The following PHB1 variants were observed in gnomAD, a reference collection of about 807,000 sequenced individuals.
PHB1 encodes prohibitin 1, also known as epididymis luminal protein 215.
At chr17:49,411,649 A>G in the PHB1 span, 4 of 1,604,330 alleles carry the variant, frequency 2.5e-6, no homozygotes, top group South Asian at 2.2e-5. Flanking sequence ...CACACTCCCT[A>G]CTTTACCTGA....
chr17:49,413,482 C>CTT, the PHB1 span, among the ~76,000 whole-genome samples: 1 of 134,684 alleles, frequency 7.4e-6, no homozygotes, highest in South Asian at 2.4e-4. Context: ...AATTCTTCTG[C>CTT]TTTTTTTTTT....
the PHB1 span, chr17:49,411,886 TAAACA>T: frequency 6.4e-7 from 1 of 1,567,782 alleles, no homozygotes; most frequent in Non-Finnish European, 8.7e-7. Context: ...TCTCATCCTT[TAAACA>T]AAAGGATCAT....
the PHB1 span, chr17:49,408,801 AG>A: frequency 2.1e-6 from 1 of 477,564 alleles, no homozygotes; most frequent in Non-Finnish European, 3.7e-6. Flanking sequence ...TTTAGTGGTT[AG>A]AGACTATCTG....
At chr17:49,406,889 G>A in the PHB1 span, 1 of 1,477,228 alleles carries the variant, frequency 6.8e-7, no homozygotes, top group Non-Finnish European at 9.5e-7. Context: ...ATGAGGCAGT[G>A]TGATTGCTTC....
the PHB1 span, chr17:49,409,251 A>G: frequency 1.3e-6 from 2 of 1,592,200 alleles, no homozygotes; most frequent in Admixed American, 3.3e-5. Flanking sequence ...CAACCAACCC[A>G]CTGCCAAGCG....
the PHB1 span, chr17:49,407,063 T>TA: frequency 1.7e-6 from 1 of 582,116 alleles, no homozygotes; most frequent in Non-Finnish European, 3.1e-6. Flanking sequence ...CTCCTGTATA[T>TA]TACTCTGTCA....
the PHB1 span, among the ~76,000 whole-genome samples, chr17:49,405,674 C>T: frequency 2.7e-4 from 41 of 152,190 alleles, 1 homozygote; most frequent in African/African-American, 8.2e-4. Context: ...CTTTGGGAGG[C>T]GGAGGCAGGA....
chr17:49,408,754 A>G, the PHB1 span: 1 of 316,556 alleles, frequency 3.2e-6, no homozygotes, highest in Non-Finnish European at 5.9e-6. Flanking sequence ...TTAACAAGGC[A>G]TCACTCTCTG....
chr17:49,407,110 G>A, the PHB1 span: 8 of 461,368 alleles, frequency 1.7e-5, no homozygotes, highest in African/African-American at 9.8e-5. Flanking sequence ...AAATGGCACC[G>A]GGGGCTTTTG....
At chr17:49,411,579 C>G in the PHB1 span, 1 of 1,077,914 alleles carries the variant, frequency 9.3e-7, no homozygotes, top group Non-Finnish European at 1.4e-6. Context: ...AGTTCAAACT[C>G]TTTTGGATCC....
chr17:49,409,545 T>G, the PHB1 span: 65 of 764,426 alleles, frequency 8.5e-5, no homozygotes, highest in Admixed American at 2.8e-4. Context: ...TTTTTTTTGT[T>G]TTTTTTTTTT....
At chr17:49,408,107 T>TCA in the PHB1 span, among the ~76,000 whole-genome samples, 2 of 152,166 alleles carry the variant, frequency 1.3e-5, no homozygotes, top group Admixed American at 6.5e-5. Context: ...GCCAAGGTGT[T>TCA]CAGGTTAACG....
chr17:49,411,159 C>T, the PHB1 span, among the ~76,000 whole-genome samples: 2 of 149,400 alleles, frequency 1.3e-5, no homozygotes, highest in Non-Finnish European at 3.0e-5. Context: ...CAAAACAGTA[C>T]GGAAAGAAAT....
chr17:49,412,962 C>G, the PHB1 span: 1 of 502,254 alleles, frequency 2.0e-6, no homozygotes, highest in Non-Finnish European at 3.6e-6. Context: ...CTGGGAAGCT[C>G]TTTTTGAATA....
the PHB1 span, chr17:49,406,844 G>T: frequency 6.2e-7 from 1 of 1,612,524 alleles, no homozygotes; most frequent in Non-Finnish European, 8.5e-7. Context: ...CTTCCCGAAG[G>T]TCAGATGTGT....
chr17:49,409,038 T>C, the PHB1 span: 1 of 1,577,362 alleles, frequency 6.3e-7, no homozygotes, highest in Non-Finnish European at 8.6e-7. Flanking sequence ...CCGAAGGATC[T>C]TACCAAGGAC....
the PHB1 span, chr17:49,404,850 G>A: frequency 3.2e-6 from 2 of 631,912 alleles, no homozygotes; most frequent in Non-Finnish European, 5.7e-6. Flanking sequence ...GATCTGAAGT[G>A]ATTTTACCTT....
the PHB1 span, chr17:49,412,249 C>T: frequency 4.1e-5 from 7 of 169,760 alleles, no homozygotes; most frequent in African/African-American, 1.4e-4. Context: ...GTAGCACCCT[C>T]ATTATGGGAA....
At chr17:49,406,929 G>T in the PHB1 span, 1 of 1,034,712 alleles carries the variant, frequency 9.7e-7, no homozygotes, top group Non-Finnish European at 1.5e-6. Context: ...CTCCATGGCC[G>T]CTGGAAGAAG....
Sources: allele counts gnomAD v4.1 joint callset (sites outside exome capture counted in the v4.1 genomes callset), GRCh38; gene constraint gnomAD v4.1.1; transcripts MANE v1.5; gene names NCBI Gene and HGNC (gene_info 2026-07-23, HGNC 2026-07-21).